Variants in HS6ST3 observed in about 807,000 individuals in gnomAD.
HS6ST3 encodes heparan-sulfate 6-O-sulfotransferase 3.
A neutral mutation model predicts 36.7 loss-of-function variants in HS6ST3; 12 were observed. The observed-to-expected ratio is 0.33, with a 90% confidence interval of 0.21 to 0.53. The LOEUF is 0.53. HS6ST3 is among the 20% of genes least tolerant of loss of function. The pLI, the probability that HS6ST3 is intolerant of heterozygous loss-of-function variation, is 0.95. For synonymous variants in HS6ST3, 240 were observed against 257.5 expected, an observed-to-expected ratio of 0.93 and a Z score of 0.65; for missense variants, 584 against 640.9, an observed-to-expected ratio of 0.91 and a Z score of 0.96.
intron 1 of HS6ST3, among the ~76,000 whole-genome samples, chr13:96,263,613 A>G (rs933440138): frequency 1.1e-4 from 16 of 152,232 alleles, no homozygotes; most frequent in African/African-American, 3.9e-4. Context: ...AAGAAATGTG[A>G]ACAAATTTTC....
intron 1 of HS6ST3, among the ~76,000 whole-genome samples, chr13:96,686,202 C>T (rs923872087): frequency 6.6e-6 from 1 of 151,850 alleles, no homozygotes; most frequent in African/African-American, 2.4e-5. Flanking sequence ...GAAAACCTTC[C>T]TCTTCACCTA....
chr13:96,358,679 T>C (rs939927369), intron 1 of HS6ST3, among the ~76,000 whole-genome samples: 30 of 152,104 alleles, frequency 2.0e-4, no homozygotes, highest in Admixed American at 2.0e-3. Context: ...TTTGGGGGCT[T>C]TGGGAACAAC....
In HS6ST3 at chr13:96,689,593, G is replaced by GCTTT. The variant is rs1487409910; in HGVS notation, c.708-142884_708-142881dup. On this transcript the variant is annotated intron_variant, in intron 1 of 1. Transcript: ENST00000376705. ...ATCACCCATTGTGTTTGTAGTTTTT[G>GCTTT]CTTTCTTTCTTTCTTTTTTTTTTTT... is the stretch of plus-strand genomic sequence containing the variant. Among the ~76,000 whole-genome samples the GCTTT allele has an allele frequency of 7.4e-4, 46 of 62,224 alleles. 2 individuals carry two copies. The highest frequency in any genetic ancestry group is 1.8e-3 in the East Asian group (3 of 1,708). The allele number at this position is 62,224 out of a possible 152,430, so 40.8% of individuals were successfully genotyped here. A position where few individuals can be genotyped will look rare whatever the true frequency, so the allele number is the denominator to read the frequency against.
rs2054531587 is a variant in HS6ST3, at chr13:96,235,735, C to G, written c.707+144166C>G. On this transcript the variant is annotated intron_variant, in intron 1 of 1. Coordinates refer to ENST00000376705, the MANE Select transcript of HS6ST3 (RefSeq NM_153456.4). ...ATCTACTGATCTCCTGGTCATCCCT[C>G]TTCGTTAATTGAAGATTAGCTCCTG... Among the ~76,000 whole-genome samples, 2 of 152,132 alleles carry G rather than the reference C, an allele frequency of 1.3e-5. 1 individual carries two copies. The highest frequency in any genetic ancestry group is 2.9e-5 in the Non-Finnish European group (2 of 68,032).
intron 1 of HS6ST3, among the ~76,000 whole-genome samples, chr13:96,633,492 A>C (rs1418036686): frequency 1.3e-5 from 2 of 152,210 alleles, no homozygotes; most frequent in Admixed American, 6.5e-5. Flanking sequence ...CTATTATTTC[A>C]ATTCTAAGAT....
At chr13:96,496,730 A>C (rs538388078) in intron 1 of HS6ST3, among the ~76,000 whole-genome samples, 2 of 152,302 alleles carry the variant, frequency 1.3e-5, no homozygotes, top group East Asian at 3.9e-4. Context: ...GCAGAATCAC[A>C]AGGGGAACAC....
chr13:96,513,869 A>T (rs764070563), intron 1 of HS6ST3, among the ~76,000 whole-genome samples: 1 of 151,942 alleles, frequency 6.6e-6, no homozygotes, highest in Non-Finnish European at 1.5e-5. Context: ...AATGAGAAGG[A>T]GACCTGTGAC....
intron 1 of HS6ST3, among the ~76,000 whole-genome samples, chr13:96,251,716 C>T (rs2054608967): frequency 2.0e-5 from 3 of 151,916 alleles, no homozygotes; most frequent in Non-Finnish European, 1.5e-5. Flanking sequence ...GTTAGAATGA[C>T]TTTTCTTGCA....
chr13:96,587,299 C>A (rs1340980987), intron 1 of HS6ST3, among the ~76,000 whole-genome samples: 1 of 151,894 alleles, frequency 6.6e-6, no homozygotes, highest in Non-Finnish European at 1.5e-5. Flanking sequence ...GTAGGTTCCA[C>A]ATAAATTTTA....
At chr13:96,116,711 A>C (rs2053895917) in intron 1 of HS6ST3, among the ~76,000 whole-genome samples, 1 of 152,176 alleles carries the variant, frequency 6.6e-6, no homozygotes, top group South Asian at 2.1e-4. Flanking sequence ...AATTGCAGTA[A>C]ATTTCCAATG....
chr13:96,746,251 G>GA (rs989442075), intron 1 of HS6ST3, among the ~76,000 whole-genome samples: 3 of 152,122 alleles, frequency 2.0e-5, no homozygotes, highest in Admixed American at 2.0e-4. Context: ...TTGAGGAATT[G>GA]AAAGCTTAAA....
At chr13:96,625,846 T>C (rs940556792) in intron 1 of HS6ST3, among the ~76,000 whole-genome samples, 2 of 151,832 alleles carry the variant, frequency 1.3e-5, no homozygotes, top group African/African-American at 4.8e-5. Flanking sequence ...TCTTCTTTTT[T>C]TTTTTTTTAT....
intron 1 of HS6ST3, among the ~76,000 whole-genome samples, chr13:96,719,043 G>A (rs745635995): frequency 2.0e-5 from 3 of 152,168 alleles, no homozygotes; most frequent in African/African-American, 4.8e-5. Flanking sequence ...GGGAGGCCAA[G>A]ACAGGCAGAT....
chr13:96,260,880 T>C (rs1166420729), intron 1 of HS6ST3, among the ~76,000 whole-genome samples: 1 of 151,766 alleles, frequency 6.6e-6, no homozygotes, highest in Admixed American at 6.6e-5. Context: ...CCTCAAGTGA[T>C]CCGCCCTCCT....
chr13:96,235,556 T>C (rs1409943324), intron 1 of HS6ST3, among the ~76,000 whole-genome samples: 2 of 152,172 alleles, frequency 1.3e-5, no homozygotes, highest in Non-Finnish European at 2.9e-5. Flanking sequence ...AAGTTTTCAG[T>C]GAAATGTAAA....
intron 1 of HS6ST3, among the ~76,000 whole-genome samples, chr13:96,205,108 A>G (rs911107959): frequency 6.6e-6 from 1 of 151,850 alleles, no homozygotes; most frequent in Non-Finnish European, 1.5e-5. Flanking sequence ...AAAGAAGAAA[A>G]GAAGAATCCA....
At chr13:96,170,656 CA>C (rs1473255515) in intron 1 of HS6ST3, among the ~76,000 whole-genome samples, 12 of 152,154 alleles carry the variant, frequency 7.9e-5, no homozygotes, top group Middle Eastern at 3.2e-3. Context: ...ATAAAGACCT[CA>C]CTGGAACTGT....
chr13:96,456,830 G>C (rs1169698211), intron 1 of HS6ST3, among the ~76,000 whole-genome samples: 2 of 152,046 alleles, frequency 1.3e-5, no homozygotes, highest in African/African-American at 4.8e-5. Context: ...GTGTAGTCTT[G>C]ATGCTAAATA....
At chr13:96,601,058 A>G (rs139226750) in intron 1 of HS6ST3, among the ~76,000 whole-genome samples, 19 of 152,254 alleles carry the variant, frequency 1.2e-4, no homozygotes, top group East Asian at 7.7e-4. Flanking sequence ...GGTTTTTCCT[A>G]TAAGTTATCC....
Sources: allele counts gnomAD v4.1 joint callset (sites outside exome capture counted in the v4.1 genomes callset), GRCh38; gene constraint gnomAD v4.1.1; transcripts MANE v1.5; gene names NCBI Gene and HGNC (gene_info 2026-07-23, HGNC 2026-07-21).